Variants in EPG5 observed in about 807,000 individuals in gnomAD.
EPG5 encodes the protein ectopic P granules protein 5 homolog.
Under a neutral mutation model 302.7 loss-of-function variants are expected in EPG5, and 159 were observed. That is an observed-to-expected ratio of 0.53 (90% CI 0.46 to 0.60). EPG5 has a LOEUF of 0.60. Ranked by LOEUF, EPG5 falls within the 20% of genes least tolerant of loss-of-function variation. The pLI is 0.00. For missense variants in EPG5, 2,896 were observed against 3,092.4 expected, an observed-to-expected ratio of 0.94 and a Z score of 1.51; for synonymous variants, 1,158 against 1,136.8, an observed-to-expected ratio of 1.02 and a Z score of -0.37.
At chr18:45,888,842 G>A (rs2049274265) in intron 28 of EPG5, among the ~76,000 whole-genome samples, 1 of 152,038 alleles carries the variant, frequency 6.6e-6, no homozygotes, top group Admixed American at 6.6e-5. Context: ...TTCATATTTT[G>A]CATGTAATTC....
At chr18:45,844,426 C>T (rs1230501730), downstream of EPG5, among the ~76,000 whole-genome samples, 5 of 152,124 alleles carry the variant, frequency 3.3e-5, no homozygotes, top group East Asian at 3.9e-4. Context: ...ATGTTCTTAA[C>T]GGTAAGTACT....
Position 45,855,567 on chromosome 18 carries a change from A to G in EPG5, c.7557+6T>C. 8 of 1,609,916 alleles carry G rather than the reference A, an allele frequency of 5.0e-6. No homozygotes were observed. The highest frequency in any genetic ancestry group is 6.8e-6 in the Non-Finnish European group (8 of 1,176,432). On this transcript the variant is annotated splice_donor_region_variant and intron_variant, in intron 43 of 43. Coordinates refer to ENST00000282041, the MANE Select transcript of EPG5 (RefSeq NM_020964.3). Reference sequence around the variant, plus strand: ...AAACTTCTAACCCTTCATTGTATATACTGACCTGCTGAGCTTTGGGGGTCA... The same window carrying G: ...AAACTTCTAACCCTTCATTGTATATGCTGACCTGCTGAGCTTTGGGGGTCA...
intron 1 of EPG5, among the ~76,000 whole-genome samples, chr18:45,959,705 T>C (rs7238724): frequency 0.3 from 44,878 of 151,534 alleles, 9,218 homozygotes; most frequent in African/African-American, 0.57. Flanking sequence ...TAGGCCTGGG[T>C]GCAGTGGCTC....
intron 30 of EPG5, among the ~76,000 whole-genome samples, chr18:45,883,353 T>C (rs1233448064): frequency 1.3e-5 from 2 of 152,090 alleles, no homozygotes; most frequent in African/African-American, 4.8e-5. Context: ...TCTCAGTTAA[T>C]AAAATTCAGA....
chr18:45,913,680 C>T, intron 21 of EPG5, 26 bp downstream of exon 21: 1 of 1,613,190 alleles, frequency 6.2e-7, no homozygotes. Flanking sequence ...CCTTCTACCA[C>T]TCAAATGCAG....
rs1392817055 is a variant in EPG5, at chr18:45,850,184, C to T, written c.*2283G>A. On this transcript the variant is annotated 3_prime_UTR_variant, in exon 44 of 44. Transcript: ENST00000282041. Reference sequence around the variant, plus strand: ...CTGGAGCCTGCAGCCGTTCGCCCTCCACGCTGCTCAGTCCACAGGGCCTTG... The same window carrying T: ...CTGGAGCCTGCAGCCGTTCGCCCTCTACGCTGCTCAGTCCACAGGGCCTTG... 6.6e-6 allele frequency: 1 copy of T among 152,394 alleles called. No individual in the cohort carries two copies. The highest frequency in any genetic ancestry group is 6.5e-5 in the Admixed American group (1 of 15,290). 9.4% of individuals were successfully genotyped at this position (152,394 alleles called of 1,614,324 possible).
At chr18:45,950,129 A>G (rs534629491) in intron 4 of EPG5, among the ~76,000 whole-genome samples, 1 of 152,342 alleles carries the variant, frequency 6.6e-6, no homozygotes, top group East Asian at 1.9e-4. Flanking sequence ...TATCACGACA[A>G]AAAGAATGAC....
chr18:45,884,741 C>A lies in EPG5; in HGVS notation c.5180G>T (p.Cys1727Phe), dbSNP rs766207973. The A allele has an allele frequency of 3.7e-6, 6 of 1,606,822 alleles. No homozygotes were observed. The highest frequency in any genetic ancestry group is 2.7e-5 in the African/African-American group (2 of 74,280). The change falls in exon 30 of 44, where the codon TGC (cysteine) becomes TTC (phenylalanine). Residue 1727 changes from cysteine to phenylalanine, a missense_variant. Transcript: ENST00000282041. ...AGTGAAGAAAGGAGACAGCAGGGAG[C>A]AGAGCCTGCTGTTCTTCAGAATGGT... ...LETILKNSRL[C>F]SLLSPFFTPN... is the part of the protein sequence containing the mutation.
the EPG5 span, chr18:45,842,340 G>A: frequency 6.9e-6 from 5 of 722,742 alleles, no homozygotes; most frequent in African/African-American, 1.8e-5. Context: ...CCCTGCTCAA[G>A]GAGGCTCATC....
chr18:45,885,334 G>A (rs1003468744), intron 29 of EPG5, among the ~76,000 whole-genome samples: 6 of 151,748 alleles, frequency 4.0e-5, no homozygotes, highest in East Asian at 1.9e-4. Context: ...GCAAGATGCC[G>A]TCTCAATAAA....
At chr18:45,911,175 G>C (rs892608298) in intron 22 of EPG5, among the ~76,000 whole-genome samples, 1 of 151,200 alleles carries the variant, frequency 6.6e-6, no homozygotes, top group Non-Finnish European at 1.5e-5. Flanking sequence ...AGGCTGGAGT[G>C]CAGTGGCATA....
the EPG5 span, among the ~76,000 whole-genome samples, chr18:45,819,126 A>G: frequency 6.6e-6 from 1 of 152,318 alleles, no homozygotes; most frequent in South Asian, 2.1e-4. Context: ...CCCCAAACTT[A>G]GAAATATCTC....
At chr18:45,923,785 T>C (rs1568159266) in intron 14 of EPG5, among the ~76,000 whole-genome samples, 1 of 152,164 alleles carries the variant, frequency 6.6e-6, no homozygotes, top group Non-Finnish European at 1.5e-5. Context: ...TCCCAGCACT[T>C]TGGGAAGCCA....
chr18:45,959,474 G>T (rs982956946), intron 1 of EPG5, among the ~76,000 whole-genome samples: 1 of 151,474 alleles, frequency 6.6e-6, no homozygotes, highest in South Asian at 2.1e-4. Flanking sequence ...GTGAAACCCC[G>T]TCTCTACTAA....
At chr18:45,822,994 T>G in the EPG5 span, among the ~76,000 whole-genome samples, 1 of 152,142 alleles carries the variant, frequency 6.6e-6, no homozygotes, top group East Asian at 1.9e-4. Flanking sequence ...GACAAAAATA[T>G]CAAAGATCCT....
intron 9 of EPG5, among the ~76,000 whole-genome samples, chr18:45,941,114 A>AG (rs1374484809): frequency 8.5e-5 from 13 of 152,244 alleles, no homozygotes; most frequent in African/African-American, 2.4e-4. Flanking sequence ...AGAGAGGTCC[A>AG]GGGACTGAGC....
intron 9 of EPG5, among the ~76,000 whole-genome samples, chr18:45,940,046 G>T (rs2050627136): frequency 6.6e-6 from 1 of 152,126 alleles, no homozygotes. Context: ...AATAAAGTAT[G>T]TCTGGAGGTG....
the EPG5 span, chr18:45,837,504 C>T: frequency 1.4e-6 from 2 of 1,480,614 alleles, no homozygotes; most frequent in Admixed American, 2.5e-5. Context: ...CAGCCCGCCC[C>T]GCCCTCAGGC....
chr18:45,900,889 T>G lies in EPG5; in HGVS notation c.4646+107A>C, dbSNP rs1313263885. ...CGTCTGGGCCAGGTTGGTCAAACTA[T>G]CCTCATTGTAAAAATGCTGACAAGG... On this transcript the variant is annotated intron_variant, in intron 26 of 43. Transcript: ENST00000282041. 1.5e-5 allele frequency: 19 copies of G among 1,282,350 alleles called. 1 individual carries two copies. The African/African-American group carries it at 1.9e-4, about 13-fold the overall frequency. 79.4% of individuals were successfully genotyped at this position (1,282,350 alleles called of 1,614,324 possible).
Sources: allele counts gnomAD v4.1 joint callset (sites outside exome capture counted in the v4.1 genomes callset), GRCh38; gene constraint gnomAD v4.1.1; transcripts MANE v1.5; gene names NCBI Gene and HGNC (gene_info 2026-07-23, HGNC 2026-07-21).